Variants in MTMR7 observed in about 807,000 individuals in gnomAD.
MTMR7 encodes the protein phosphatidylinositol-3-phosphate phosphatase MTMR7.
In MTMR7, 76 loss-of-function variants were observed where a neutral mutation model predicts 81.2. The ratio of observed to expected loss-of-function variants is 0.94; its 90% CI spans 0.78 to 1.13. The LOEUF is 1.13. Among genes scored for constraint, MTMR7 ranks in the 50% most tolerant of loss-of-function variants. The pLI is 0.00. For missense variants in MTMR7, 1,044 were observed against 820.0 expected (o/e 1.27, Z -3.34); for synonymous variants, 372 against 289.8 (o/e 1.28, Z -2.88).
chr8:17,345,659 T>C (rs1240744282), intron 5 of MTMR7, among the ~76,000 whole-genome samples: 1 of 152,210 alleles, frequency 6.6e-6, no homozygotes, highest in African/African-American at 2.4e-5. Context: ...AAATTACTTT[T>C]GCACCAACCT....
intron 4 of MTMR7, among the ~76,000 whole-genome samples, chr8:17,358,891 A>G (rs1489923153): frequency 2.0e-5 from 3 of 152,156 alleles, no homozygotes; most frequent in East Asian, 1.9e-4. Context: ...TAAATAATCT[A>G]AAAGCCCTTT....
chr8:17,342,374 G>A (rs941444912), intron 5 of MTMR7, among the ~76,000 whole-genome samples: 1 of 152,170 alleles, frequency 6.6e-6, no homozygotes, highest in African/African-American at 2.4e-5. Flanking sequence ...GTGAAAGAAT[G>A]CAGGCAGTGA....
chr8:17,318,370 C>G (rs186648904), intron 7 of MTMR7, among the ~76,000 whole-genome samples: 1 of 152,178 alleles, frequency 6.6e-6, no homozygotes, highest in East Asian at 1.9e-4. Context: ...TACAGCACAC[C>G]AGTGAACAGC....
At chr8:17,370,723 G>A (rs763549625) in intron 3 of MTMR7, among the ~76,000 whole-genome samples, 3 of 151,786 alleles carry the variant, frequency 2.0e-5, no homozygotes, top group African/African-American at 4.8e-5. Context: ...AAGGTGGCTC[G>A]ATTACCACAA....
At position 17,299,676 on chromosome 8, in the gene MTMR7, A is replaced by AG. The variant is rs1816970007; in HGVS notation, c.*185_*186insC. ...AATTTTCCTTATATTTGATAAATGA[A>AG]ATGACTACGTCCTCTTCAGTATCTA... On this transcript the variant is annotated 3_prime_UTR_variant, in exon 14 of 14. Coordinates refer to ENST00000180173, the MANE Select transcript of MTMR7 (RefSeq NM_004686.5). 1.4e-6 allele frequency: 1 copy of AG among 715,546 alleles called. No homozygotes were observed. Among genetic ancestry groups the AG allele is most frequent in the African/African-American group, 1.8e-5 (1 of 55,972 alleles). 44.3% of individuals were successfully genotyped at this position (715,546 alleles called of 1,614,324 possible).
At chr8:17,342,697 C>T (rs1453468986) in intron 5 of MTMR7, among the ~76,000 whole-genome samples, 1 of 152,090 alleles carries the variant, frequency 6.6e-6, no homozygotes, top group Non-Finnish European at 1.5e-5. Flanking sequence ...GCGCCAACAC[C>T]ATTCTGCAGA....
chr8:17,306,324 G>A (rs1484114710), intron 10 of MTMR7, among the ~76,000 whole-genome samples: 1 of 151,824 alleles, frequency 6.6e-6, no homozygotes, highest in Non-Finnish European at 1.5e-5. Flanking sequence ...GAAATGTCCA[G>A]ACAACTTTAA....
intron 1 of MTMR7, among the ~76,000 whole-genome samples, chr8:17,398,133 C>T (rs1821316681): frequency 1.3e-5 from 2 of 152,070 alleles, no homozygotes; most frequent in African/African-American, 4.8e-5. Flanking sequence ...CTCTTCAATG[C>T]CCAGGTACCA....
rs1253864974 is a variant in MTMR7, at chr8:17,299,576, C to T, written c.*286G>A. On this transcript the variant is annotated 3_prime_UTR_variant, in exon 14 of 14. Transcript: ENST00000180173. ...CAAGGAAGATAGATACTGATCACTT[C>T]AGGTAATGACAGAAGTAATTGCTCT... 3 of 365,164 alleles carry T rather than the reference C, an allele frequency of 8.2e-6. No homozygotes were observed. Among genetic ancestry groups the T allele is most frequent in the Non-Finnish European group, 1.5e-5 (3 of 198,952 alleles). 22.6% of individuals were successfully genotyped at this position (365,164 alleles called of 1,614,324 possible). A position where few individuals can be genotyped will look rare whatever the true frequency, so the allele number is the denominator to read the frequency against.
intron 4 of MTMR7, among the ~76,000 whole-genome samples, chr8:17,356,685 G>C (rs893414607): frequency 2.0e-5 from 3 of 151,174 alleles, no homozygotes; most frequent in African/African-American, 7.3e-5. Context: ...CTGTACTCTA[G>C]CTTGGGCAAC....
intron 3 of MTMR7, among the ~76,000 whole-genome samples, chr8:17,369,023 G>A (rs1820324016): frequency 6.6e-6 from 1 of 152,164 alleles, no homozygotes; most frequent in South Asian, 2.1e-4. Flanking sequence ...GACCCTCCTG[G>A]TCCCTGTGAT....
Position 17,304,490 on chromosome 8 carries a change from G to C in MTMR7, c.1382C>G (p.Ala461Gly). 1.9e-6 allele frequency: 3 copies of C among 1,613,918 alleles called. No homozygotes were observed. The highest frequency in any genetic ancestry group is 2.5e-6 in the Non-Finnish European group (3 of 1,179,890). Residue 461 changes from alanine (A) to glycine (G), a missense_variant, in exon 12 of 14, where the codon GCT becomes GGT. Transcript: ENST00000180173. The stretch of plus-strand genomic sequence containing the variant: ...GTCGGCCCGATTCTTCCACAGGTGA[G>C]CCCATAATGAGTATGTTCTTTCTTG... ...KIQERTYSLWAHLWKNRADYL... is the reference protein window; with the variant it reads ...KIQERTYSLWGHLWKNRADYL...
intron 1 of MTMR7, among the ~76,000 whole-genome samples, chr8:17,402,256 T>C (rs1354452506): frequency 6.6e-6 from 1 of 152,180 alleles, no homozygotes; most frequent in African/African-American, 2.4e-5. Context: ...CCAGTTATAC[T>C]CTTTTAGTTA....
chr8:17,354,955 T>G (rs572460876), intron 4 of MTMR7, among the ~76,000 whole-genome samples: 1 of 152,172 alleles, frequency 6.6e-6, no homozygotes, highest in South Asian at 2.1e-4. Context: ...TGTTCCTTGT[T>G]AGTTTTGTTT....
chr8:17,410,214 G>T (rs996687519), intron 1 of MTMR7, among the ~76,000 whole-genome samples: 3 of 152,180 alleles, frequency 2.0e-5, no homozygotes, highest in Non-Finnish European at 4.4e-5. Flanking sequence ...GAAGACATTT[G>T]CAAGGTCTGT....
intron 1 of MTMR7, among the ~76,000 whole-genome samples, chr8:17,407,984 A>G (rs1016972199): frequency 2.6e-5 from 4 of 152,218 alleles, no homozygotes; most frequent in African/African-American, 7.2e-5. Context: ...TGAAAACAGA[A>G]TTGTATAATT....
At position 17,300,181 on chromosome 8, in the gene MTMR7, A is replaced by G. The variant is rs751656595; in HGVS notation, c.1664T>C (p.Val555Ala). ...IQKVQLNCTK[V>A]KSKQSEPSKH... Reference sequence around the variant, plus strand: ...GCTGGGCTCACTTTGCTTACTCTTCACCTTAGTGCAATTTAACTGGACCTT... The same window carrying G: ...GCTGGGCTCACTTTGCTTACTCTTCGCCTTAGTGCAATTTAACTGGACCTT... Residue 555 changes from valine to alanine, a missense_variant, in exon 14 of 14, where the codon GTG (valine) becomes GCG (alanine). Val to Ala is a moderately conservative substitution (Grantham distance 64, BLOSUM62 0). Coordinates refer to ENST00000180173, the MANE Select transcript of MTMR7 (RefSeq NM_004686.5). 9.3e-6 allele frequency: 15 copies of G among 1,613,478 alleles called. No individual in the cohort carries two copies. Among genetic ancestry groups the G allele is most frequent in the Admixed American group, 1.7e-5 (1 of 59,936 alleles).
Position 17,327,933 on chromosome 8 carries a change from ATTG to A in MTMR7, c.865+3214_865+3216del, listed in dbSNP as rs574779940. Among the ~76,000 whole-genome samples the A allele has an allele frequency of 7.3e-3, 1,111 of 152,358 alleles. 5 individuals are homozygous for A. The highest frequency in any genetic ancestry group is 0.048 in the Middle Eastern group (14 of 294). On this transcript the variant is annotated intron_variant, in intron 7 of 13. Transcript: ENST00000180173. Reference sequence around the variant, plus strand: ...CAGATAATACCACATACTGCACACAATTGTTGTGAAAATCTCATACAATCATTT... The same window carrying A: ...CAGATAATACCACATACTGCACACAATTGTGAAAATCTCATACAATCATTT...
chr8:17,323,310 C>G (rs1473236734), intron 7 of MTMR7, among the ~76,000 whole-genome samples: 1 of 152,000 alleles, frequency 6.6e-6, no homozygotes, highest in Non-Finnish European at 1.5e-5. Context: ...AGCAAATACA[C>G]TGGGGTCGAA....
Sources: gnomAD v4.1 joint callset for allele counts (sites outside exome capture counted in the v4.1 genomes callset) on GRCh38, gnomAD v4.1.1 for gene constraint, MANE v1.5 for transcripts, NCBI Gene and HGNC (gene_info 2026-07-23, HGNC 2026-07-21) for gene names.